The following COX15 variants were observed in gnomAD, a reference collection of about 807,000 sequenced individuals.
COX15 encodes cytochrome c oxidase assembly factor COX15, also known as heme A synthase COX15.
COX15 carries 51 observed loss-of-function variants against 51.9 expected under a neutral mutation model. That is an observed-to-expected ratio of 0.98 (90% CI 0.78 to 1.24). The LOEUF is 1.24. Ranked by LOEUF, COX15 falls within the 50% of genes most tolerant of loss-of-function variation. The pLI is 0.00. For synonymous variants in COX15, 188 were observed against 190.5 expected, an observed-to-expected ratio of 0.99 and a Z score of 0.11; for missense variants, 420 against 501.1, an observed-to-expected ratio of 0.84 and a Z score of 1.55.
chr10:99,699,376 T>C, the COX15 span, among the ~76,000 whole-genome samples: 1 of 152,218 alleles, frequency 6.6e-6, no homozygotes, highest in Admixed American at 6.5e-5. Flanking sequence ...AGATTTAAAA[T>C]AGAGGAGTAA....
At position 99,713,005 on chromosome 10, in the gene COX15, T is replaced by C. The variant is rs2133560795; in HGVS notation, c.*1582A>G. 1 of 1,119,828 alleles carries C rather than the reference T, an allele frequency of 8.9e-7. No homozygotes were observed. The highest frequency in any genetic ancestry group is 1.6e-5 in the African/African-American group (1 of 60,652). The allele number at this position is 1,119,828 out of a possible 1,614,324, so 69.4% of individuals were successfully genotyped here. On this transcript the variant is annotated 3_prime_UTR_variant, in exon 9 of 9. Transcript: ENST00000016171. ...TCCCTGTGTGACAGGGGTTCTGGAC[T>C]CATCATTCTGATCTCTTCTTCTGGA...
chr10:99,698,610 G>A, the COX15 span: 2 of 1,614,216 alleles, frequency 1.2e-6, no homozygotes, highest in East Asian at 2.2e-5. Context: ...ACTCACAGAT[G>A]TGGTGGAGAG....
At chr10:99,726,515 G>C (rs1454361497) in intron 4 of COX15, among the ~76,000 whole-genome samples, 1 of 152,188 alleles carries the variant, frequency 6.6e-6, no homozygotes, top group Non-Finnish European at 1.5e-5. Flanking sequence ...GCTGGGGCTT[G>C]AAGCTAGGCC....
Position 99,727,226 on chromosome 10 carries a change from C to A in COX15, c.396-72G>T, listed in dbSNP as rs970991698. ...CTGATTTTTATTTTCTTACGGAATG[C>A]AAAACCTTTCTTTCTCAGTCCTGCA... On this transcript the variant is annotated intron_variant, in intron 3 of 8. Coordinates refer to ENST00000016171, the MANE Select transcript of COX15 (RefSeq NM_078470.6). 10 of 1,555,056 alleles carry A rather than the reference C, an allele frequency of 6.4e-6. No individual in the cohort carries two copies. The Admixed American group carries it at 8.8e-5, about 14-fold the overall frequency.
At position 99,713,225 on chromosome 10, in the gene COX15, C is replaced by T. The variant is rs750145039; in HGVS notation, c.*1362G>A. 1.9e-4 allele frequency: 262 copies of T among 1,399,654 alleles called. No individual in the cohort carries two copies. Among genetic ancestry groups the T allele is most frequent in the Non-Finnish European group, 2.3e-4 (246 of 1,058,406 alleles). 86.7% of individuals were successfully genotyped at this position (1,399,654 alleles called of 1,614,324 possible). On this transcript the variant is annotated 3_prime_UTR_variant, in exon 9 of 9. Transcript: ENST00000016171. ...TTGAACCTGAGGACAACTAAAATCC[C>T]GTCTTTTTTATATGAAATGATATAA...
rs1230381847 is a variant in COX15, at chr10:99,713,401, C to T, written c.*1186G>A. On this transcript the variant is annotated 3_prime_UTR_variant, in exon 9 of 9. Coordinates refer to ENST00000016171, the MANE Select transcript of COX15 (RefSeq NM_078470.6). The stretch of plus-strand genomic sequence containing the variant: ...CTATTATATTAGCAATATTGGGTTG[C>T]TCCATCCTCAAATCAGATGTTTCTG... 1.5e-5 allele frequency: 24 copies of T among 1,613,812 alleles called. No homozygotes were observed. Among genetic ancestry groups the T allele is most frequent in the African/African-American group, 2.7e-5 (2 of 74,910 alleles).
At chr10:99,698,783 GT>G in the COX15 span, 2 of 1,614,182 alleles carry the variant, frequency 1.2e-6, no homozygotes, top group Non-Finnish European at 1.7e-6. Context: ...GCTTCTCTGA[GT>G]TTTTTTATTG....
chr10:99,725,660 A>G (rs2036925998), intron 4 of COX15, among the ~76,000 whole-genome samples: 1 of 152,058 alleles, frequency 6.6e-6, no homozygotes, highest in Non-Finnish European at 1.5e-5. Context: ...CCCCGGTTCA[A>G]TCAATTCTTC....
intron 1 of COX15, 121 bp downstream of exon 1, chr10:99,731,839 T>A (rs537759604): frequency 1.6e-5 from 20 of 1,263,288 alleles, no homozygotes; most frequent in Non-Finnish European, 2.1e-5. Flanking sequence ...TCTGAACCTA[T>A]GCGTTGTGAG....
At chr10:99,702,391 A>C in the COX15 span, 1 of 764,186 alleles carries the variant, frequency 1.3e-6, no homozygotes, top group Non-Finnish European at 2.0e-6. Flanking sequence ...GAGGTGAGGA[A>C]GGTGAAGCGG....
chr10:99,718,432 T>G lies in COX15; in HGVS notation c.901A>C (p.Ile301Leu). 6.2e-7 allele frequency: 1 copy of G among 1,614,074 alleles called. No individual in the cohort carries two copies. The highest frequency in any genetic ancestry group is 8.5e-7 in the Non-Finnish European group (1 of 1,180,010). Residue 301 changes from isoleucine (I) to leucine (L), a missense_variant, in exon 7 of 9, where the codon ATC (isoleucine) becomes CTC (leucine). Coordinates refer to ENST00000016171, the MANE Select transcript of COX15 (RefSeq NM_078470.6). The stretch of plus-strand genomic sequence containing the variant: ...GAGAAGGTAAAGAGGTCCTCCGGGA[T>G]CCAGGATTCTCCCATTTTGGGAAAG... ...NSFPKMGESW[I>L]PEDLFTFSPI...
chr10:99,727,282 C>A (rs983131665), intron 3 of COX15, 128 bp from the exon 4 acceptor site: 2 of 1,424,976 alleles, frequency 1.4e-6, no homozygotes, highest in Non-Finnish European at 1.9e-6. Flanking sequence ...TCCTCATCAA[C>A]GACCTCAGGA....
At chr10:99,700,429 TGTGTGTGTGTGTGTGTTTA>T in the COX15 span, among the ~76,000 whole-genome samples, 1 of 150,386 alleles carries the variant, frequency 6.6e-6, no homozygotes, top group African/African-American at 2.5e-5. Context: ...TGTGTGTGTG[TGTGTGTGTGTGTGTGTTTA>T]TTGTCTGTCT....
chr10:99,698,850 G>A, the COX15 span: 1 of 1,595,760 alleles, frequency 6.3e-7, no homozygotes, highest in Non-Finnish European at 8.5e-7. Flanking sequence ...ATTTGCCAAG[G>A]CTGCTCAGGT....
Position 99,723,994 on chromosome 10 carries a change from A to G in COX15, c.712T>C (p.Leu238=). 2 of 1,614,110 alleles carry G rather than the reference A, an allele frequency of 1.2e-6. No homozygotes were observed. Among genetic ancestry groups the G allele is most frequent in the Non-Finnish European group, 1.7e-6 (2 of 1,180,026 alleles). The part of the protein sequence containing the change: ...GSALVLYCAS[L]WTSLSLLLPP... ...AGTAGCAGTGACAGTGAGGTCCACA[A>G]GCTGGCACAATAAAGAACCAGGGCT... The change falls in exon 5 of 9, where the codon TTG becomes CTG. Residue 238 remains leucine, a synonymous_variant. Coordinates refer to ENST00000016171, the MANE Select transcript of COX15 (RefSeq NM_078470.6).
In COX15 at chr10:99,713,190, T is replaced by C; in HGVS notation, c.*1397A>G. On this transcript the variant is annotated 3_prime_UTR_variant, in exon 9 of 9. Transcript: ENST00000016171. Reference sequence around the variant, plus strand: ...CATATAATAACAACATGAATACTACTTGGTTCATATTGAACCTGAGGACAA... The same window carrying C: ...CATATAATAACAACATGAATACTACCTGGTTCATATTGAACCTGAGGACAA... 5 of 1,379,172 alleles carry C rather than the reference T, an allele frequency of 3.6e-6. No homozygotes were observed. The highest frequency in any genetic ancestry group is 4.7e-6 in the Non-Finnish European group (5 of 1,056,614). The allele number at this position is 1,379,172 out of a possible 1,614,324, so 85.4% of individuals were successfully genotyped here. A position where few individuals can be genotyped will look rare whatever the true frequency, so the allele number is the denominator to read the frequency against.
chr10:99,721,510 G>T (rs2133597521), intron 5 of COX15, among the ~76,000 whole-genome samples: 1 of 152,280 alleles, frequency 6.6e-6, no homozygotes, highest in South Asian at 2.1e-4. Flanking sequence ...TGCATAAAGT[G>T]CTTAGAGATT....
At chr10:99,702,785 A>ACCTTCCTCTCTACCC in the COX15 span, 2 of 979,388 alleles carry the variant, frequency 2.0e-6, no homozygotes, top group Non-Finnish European at 2.8e-6. Flanking sequence ...GTCTTAAGTG[A>ACCTTCCTCTCTACCC]CCTTCCTCTC....
the COX15 span, chr10:99,701,038 T>G: frequency 1.2e-6 from 2 of 1,613,932 alleles, no homozygotes; most frequent in Non-Finnish European, 1.7e-6. Flanking sequence ...TTTCATCACA[T>G]GCAGATGAGC....
Sources: allele counts gnomAD v4.1 joint callset (sites outside exome capture counted in the v4.1 genomes callset), GRCh38; gene constraint gnomAD v4.1.1; transcripts MANE v1.5; gene names NCBI Gene and HGNC (gene_info 2026-07-23, HGNC 2026-07-21).